Variants in CACNA1D observed in about 807,000 individuals in gnomAD.
CACNA1D encodes the protein calcium voltage-gated channel subunit alpha1 D.
CACNA1D carries 55 observed loss-of-function variants against 257.1 expected under a neutral mutation model. The observed-to-expected ratio is 0.21, with a 90% CI of 0.17 to 0.27. The LOEUF (loss-of-function observed/expected upper bound fraction) is 0.27. Among genes scored for constraint, CACNA1D ranks in the 10% least tolerant of loss-of-function variants. The pLI is 1.00. For missense variants in CACNA1D, 1,876 were observed against 2,784.0 expected, an observed-to-expected ratio of 0.67 and a Z score of 7.34; for synonymous variants, 980 against 1,014.9, an observed-to-expected ratio of 0.97 and a Z score of 0.65.
intron 38 of CACNA1D, 78 bp from the exon 39 acceptor site, chr3:53,781,488 G>A (rs1424730755): frequency 2.1e-6 from 2 of 953,146 alleles, no homozygotes; most frequent in East Asian, 2.4e-5. Flanking sequence ...GTCAGGCTGG[G>A]ACAAGGCTGT....
In CACNA1D at chr3:53,753,553, C is replaced by A. The variant is rs200203902; in HGVS notation, c.3676-19C>A. 6.6e-5 allele frequency: 99 copies of A among 1,490,882 alleles called. No individual in the cohort carries two copies. In the East Asian group the frequency reaches 2.0e-3, roughly 30 times the overall value. 92.4% of individuals were successfully genotyped at this position (1,490,882 alleles called of 1,614,324 possible). ...CGTGGCTGAGGCTCTGAGAACGGTC[C>A]CTCTGTCTTCATCCATAGCACTACG... On this transcript the variant is annotated intron_variant, in intron 28 of 47. Transcript: ENST00000350061.
chr3:53,756,983 T>C (rs1374490611), intron 29 of CACNA1D, among the ~76,000 whole-genome samples: 1 of 152,200 alleles, frequency 6.6e-6, no homozygotes, highest in Non-Finnish European at 1.5e-5. Flanking sequence ...TATACTAATT[T>C]ATACTCCTAG....
At chr3:53,665,090 T>G (rs2094248068) in intron 5 of CACNA1D, among the ~76,000 whole-genome samples, 1 of 152,224 alleles carries the variant, frequency 6.6e-6, no homozygotes, top group Non-Finnish European at 1.5e-5. Flanking sequence ...CCTGCATTCA[T>G]GATAAACAGT....
chr3:53,601,820 C>T (rs905458005), intron 3 of CACNA1D, among the ~76,000 whole-genome samples: 2 of 152,194 alleles, frequency 1.3e-5, no homozygotes, highest in Admixed American at 1.3e-4. Context: ...AAGCGATTCC[C>T]CTGCCTCAGC....
At chr3:53,721,120 A>G (rs1411307655) in intron 11 of CACNA1D, among the ~76,000 whole-genome samples, 1 of 152,234 alleles carries the variant, frequency 6.6e-6, no homozygotes, top group Non-Finnish European at 1.5e-5. Context: ...TGAGCGGGAC[A>G]GTCTTTAGTG....
chr3:53,712,801 C>A (rs914883381), intron 9 of CACNA1D, among the ~76,000 whole-genome samples: 3 of 152,172 alleles, frequency 2.0e-5, no homozygotes, highest in Non-Finnish European at 4.4e-5. Flanking sequence ...GCAAAAAAGT[C>A]TGTCCTGTGG....
chr3:53,498,969 C>G (rs1229897082), intron 2 of CACNA1D, among the ~76,000 whole-genome samples: 1 of 152,178 alleles, frequency 6.6e-6, no homozygotes, highest in East Asian at 1.9e-4. Flanking sequence ...GGTAAGCCAG[C>G]ATGTGGCCCA....
At chr3:53,686,705 C>T (rs1466763801) in intron 8 of CACNA1D, among the ~76,000 whole-genome samples, 1 of 151,776 alleles carries the variant, frequency 6.6e-6, no homozygotes, top group Admixed American at 6.6e-5. Flanking sequence ...TGACAACATA[C>T]TTATTGGTGA....
intron 2 of CACNA1D, among the ~76,000 whole-genome samples, chr3:53,499,968 A>C (rs1373858723): frequency 6.6e-6 from 1 of 152,142 alleles, no homozygotes; most frequent in Non-Finnish European, 1.5e-5. Flanking sequence ...GAGAGAACCA[A>C]TGTGAATTAA....
At chr3:53,547,954 G>A (rs560977137) in intron 3 of CACNA1D, among the ~76,000 whole-genome samples, 2 of 152,290 alleles carry the variant, frequency 1.3e-5, no homozygotes, top group East Asian at 1.9e-4. Flanking sequence ...CCTTTCCAGC[G>A]TGAGCAATGG....
chr3:53,716,300 C>G (rs2094817504), intron 9 of CACNA1D, among the ~76,000 whole-genome samples: 1 of 152,222 alleles, frequency 6.6e-6, no homozygotes, highest in Admixed American at 6.5e-5. Flanking sequence ...CTGTGGGTTC[C>G]CCACATCATA....
In CACNA1D at chr3:53,743,005, T is replaced by C; in HGVS notation, c.2812-6T>C. 8.8e-6 allele frequency: 14 copies of C among 1,589,528 alleles called. No homozygotes were observed. Among genetic ancestry groups the C allele is most frequent in the Non-Finnish European group, 1.2e-5 (14 of 1,157,576 alleles). ...AATGGTAAATCATCCATGATTCTGC[T>C]TCTAGATGACAACTTTTGGAGCTTT... is the stretch of plus-strand genomic sequence containing the variant. On this transcript the variant is annotated splice_region_variant and splice_polypyrimidine_tract_variant and intron_variant, in intron 21 of 47. Transcript: ENST00000350061.
chr3:53,526,681 A>C (rs2091776192), intron 3 of CACNA1D, among the ~76,000 whole-genome samples: 2 of 152,218 alleles, frequency 1.3e-5, no homozygotes, highest in African/African-American at 4.8e-5. Context: ...TTTGTATAGA[A>C]GAGTGGAGAA....
intron 3 of CACNA1D, among the ~76,000 whole-genome samples, chr3:53,637,946 T>C (rs1416496849): frequency 2.6e-5 from 4 of 152,232 alleles, no homozygotes; most frequent in Non-Finnish European, 5.9e-5. Context: ...TCAAACGCTG[T>C]GTCTTAATTA....
chr3:53,583,582 GCAGT>G (rs1428666508), intron 3 of CACNA1D, among the ~76,000 whole-genome samples: 1 of 152,150 alleles, frequency 6.6e-6, no homozygotes, highest in African/African-American at 2.4e-5. Context: ...CTCATCTTAG[GCAGT>G]ATAAGGACTC....
intron 3 of CACNA1D, among the ~76,000 whole-genome samples, chr3:53,535,149 C>T (rs1019638588): frequency 2.0e-5 from 3 of 152,342 alleles, no homozygotes; most frequent in South Asian, 4.1e-4. Flanking sequence ...CTGCATGCCA[C>T]GTCTTTATTA....
intron 4 of CACNA1D, among the ~76,000 whole-genome samples, chr3:53,659,130 C>T (rs1384387433): frequency 6.6e-6 from 1 of 152,196 alleles, no homozygotes; most frequent in Non-Finnish European, 1.5e-5. Context: ...AAATTTTATA[C>T]TTACTCTGAA....
intron 40 of CACNA1D, chr3:53,791,047 G>A (rs1011922596): frequency 1.0e-5 from 7 of 702,086 alleles, no homozygotes; most frequent in African/African-American, 1.7e-5. Flanking sequence ...GTCGGAAGGC[G>A]TTTGTGGCTA....
chr3:53,715,904 T>C (rs1301028260), intron 9 of CACNA1D, among the ~76,000 whole-genome samples: 1 of 152,212 alleles, frequency 6.6e-6, no homozygotes, highest in East Asian at 1.9e-4. Flanking sequence ...ACTAGAACAT[T>C]TCATACACTA....
Sources: gnomAD v4.1 joint callset for allele counts (sites outside exome capture counted in the v4.1 genomes callset) on GRCh38, gnomAD v4.1.1 for gene constraint, MANE v1.5 for transcripts, NCBI Gene and HGNC (gene_info 2026-07-23, HGNC 2026-07-21) for gene names.